Variants in KCNQ5 observed in about 807,000 individuals in gnomAD.
KCNQ5 encodes potassium voltage-gated channel subfamily KQT member 5.
Under a neutral mutation model 98.2 loss-of-function variants are expected in KCNQ5, and 30 were observed. That is an observed-to-expected ratio of 0.31 (90% confidence interval 0.23 to 0.41). The LOEUF is 0.41. KCNQ5 is among the 10% of genes least tolerant of loss of function. The pLI is 1.00. For missense variants in KCNQ5, 835 were observed against 1,182.5 expected, an observed-to-expected ratio of 0.71 and a Z score of 4.31; for synonymous variants, 458 against 449.4, an observed-to-expected ratio of 1.02 and a Z score of -0.24.
chr6:72,637,508 A>G (rs1295329355), intron 1 of KCNQ5, among the ~76,000 whole-genome samples: 1 of 152,074 alleles, frequency 6.6e-6, no homozygotes. Context: ...TTCTTCAACT[A>G]AGAGTGGTAC....
chr6:72,938,220 CA>C (rs1234457290), intron 1 of KCNQ5, among the ~76,000 whole-genome samples: 3 of 151,750 alleles, frequency 2.0e-5, no homozygotes, highest in Non-Finnish European at 4.4e-5. Flanking sequence ...ATAAGTAGGA[CA>C]AAAAAATAGA....
At chr6:72,948,556 A>C (rs1209680150) in intron 1 of KCNQ5, among the ~76,000 whole-genome samples, 3 of 152,146 alleles carry the variant, frequency 2.0e-5, no homozygotes, top group Admixed American at 6.5e-5. Context: ...GTATTATAAG[A>C]AAAAAGAAAG....
intron 1 of KCNQ5, among the ~76,000 whole-genome samples, chr6:72,770,802 G>A (rs1458835839): frequency 6.6e-6 from 1 of 152,102 alleles, no homozygotes; most frequent in African/African-American, 2.4e-5. Flanking sequence ...ATTCCATTGT[G>A]TATACAATCA....
intron 10 of KCNQ5, among the ~76,000 whole-genome samples, chr6:73,144,990 T>A (rs1163105612): frequency 6.6e-6 from 1 of 152,236 alleles, no homozygotes; most frequent in Admixed American, 6.5e-5. Flanking sequence ...CACCTCTTCA[T>A]GTGAGAAGCT....
intron 10 of KCNQ5, chr6:73,157,639 G>A (rs575926859): frequency 1.3e-6 from 1 of 775,130 alleles, no homozygotes; most frequent in Non-Finnish European, 2.4e-6. Flanking sequence ...CAGCATGGGT[G>A]ATGGCTGGGG....
At chr6:72,819,767 G>A (rs2150112363) in intron 1 of KCNQ5, among the ~76,000 whole-genome samples, 1 of 152,256 alleles carries the variant, frequency 6.6e-6, no homozygotes, top group Admixed American at 6.5e-5. Context: ...CACCTATCAT[G>A]TTTTGCCATC....
intron 1 of KCNQ5, among the ~76,000 whole-genome samples, chr6:72,879,765 AT>A (rs1331897856): frequency 2.6e-5 from 4 of 151,708 alleles, no homozygotes; most frequent in Non-Finnish European, 5.9e-5. Flanking sequence ...TTTGTGTGTG[AT>A]TTTTTTTAAA....
intron 3 of KCNQ5, among the ~76,000 whole-genome samples, chr6:73,049,510 C>T (rs1304911990): frequency 1.3e-5 from 2 of 152,162 alleles, no homozygotes; most frequent in East Asian, 3.8e-4. Flanking sequence ...AGCATGCTGG[C>T]CTCCCAATAG....
At chr6:73,116,490 A>AC (rs759650897) in intron 7 of KCNQ5, among the ~76,000 whole-genome samples, 7 of 152,056 alleles carry the variant, frequency 4.6e-5, no homozygotes, top group African/African-American at 1.2e-4. Context: ...ACATAGCGAG[A>AC]CCCCACCTCT....
At chr6:72,703,697 T>C (rs1351519218) in intron 1 of KCNQ5, among the ~76,000 whole-genome samples, 2 of 152,244 alleles carry the variant, frequency 1.3e-5, no homozygotes, top group African/African-American at 4.8e-5. Context: ...TATTCCTTCA[T>C]ATGGTCTGAT....
intron 2 of KCNQ5, among the ~76,000 whole-genome samples, chr6:73,012,424 A>C (rs544818318): frequency 6.6e-6 from 1 of 152,234 alleles, no homozygotes; most frequent in East Asian, 1.9e-4. Context: ...TAGTCAAAAA[A>C]GTATAGAGAC....
chr6:73,073,164 A>G (rs1030317742), intron 3 of KCNQ5, among the ~76,000 whole-genome samples: 2 of 152,124 alleles, frequency 1.3e-5, no homozygotes, highest in African/African-American at 2.4e-5. Context: ...ATGGAGTGGT[A>G]TACCATAATT....
chr6:73,011,904 C>T (rs1424267346), intron 2 of KCNQ5, among the ~76,000 whole-genome samples: 1 of 151,702 alleles, frequency 6.6e-6, no homozygotes, highest in Non-Finnish European at 1.5e-5. Context: ...AAGTGCAAAT[C>T]AAAACTACAC....
At chr6:72,788,996 C>T (rs908357209) in intron 1 of KCNQ5, among the ~76,000 whole-genome samples, 3 of 152,162 alleles carry the variant, frequency 2.0e-5, no homozygotes, top group Non-Finnish European at 2.9e-5. Flanking sequence ...ATACTTTTAA[C>T]CTTTAAATAC....
At chr6:73,036,770 T>C (rs1562140646) in intron 2 of KCNQ5, among the ~76,000 whole-genome samples, 1 of 152,188 alleles carries the variant, frequency 6.6e-6, no homozygotes, top group Non-Finnish European at 1.5e-5. Flanking sequence ...TGGGCTGTTT[T>C]TGGGGTCTGG....
At chr6:73,071,339 C>A (rs1341269848) in intron 3 of KCNQ5, among the ~76,000 whole-genome samples, 1 of 152,128 alleles carries the variant, frequency 6.6e-6, no homozygotes, top group Non-Finnish European at 1.5e-5. Flanking sequence ...AATTCAGTCT[C>A]AAGAAATTTA....
rs540060332 is a variant in KCNQ5 at position 72,800,698 on chromosome 6, G to GGGA, written c.398+178111_398+178112insGGA. On this transcript the variant is annotated intron_variant, in intron 1 of 13. Transcript: ENST00000370398. The stretch of plus-strand genomic sequence containing the variant: ...GAATGTGTTTGCTCTTGCTTTTCTA[G>GGGA]TTCTTTTAATTGTGATGTTAGGGTG... Among the ~76,000 whole-genome samples, 151 of 152,216 alleles carry GGGA rather than the reference G, an allele frequency of 9.9e-4. No homozygotes were observed. The Middle Eastern group carries it at 0.01, about 10-fold the overall frequency.
chr6:73,021,181 G>A (rs1770591160), intron 2 of KCNQ5, among the ~76,000 whole-genome samples: 1 of 152,164 alleles, frequency 6.6e-6, no homozygotes, highest in African/African-American at 2.4e-5. Context: ...AGCTCAGAGG[G>A]AATGGTCTGT....
chr6:72,649,964 C>T (rs1044826264), intron 1 of KCNQ5, among the ~76,000 whole-genome samples: 3 of 152,132 alleles, frequency 2.0e-5, no homozygotes, highest in Admixed American at 6.6e-5. Context: ...AACAGTCTCT[C>T]ATTGCAAGTG....
Sources: gnomAD v4.1 joint callset for allele counts (sites outside exome capture counted in the v4.1 genomes callset) on GRCh38, gnomAD v4.1.1 for gene constraint, MANE v1.5 for transcripts, NCBI Gene and HGNC (gene_info 2026-07-23, HGNC 2026-07-21) for gene names.